The following GAPVD1 variants were observed in gnomAD, a reference collection of about 807,000 sequenced individuals.
The protein encoded by GAPVD1 is GTPase-activating protein and VPS9 domain-containing protein 1.
GAPVD1 carries 35 observed loss-of-function variants against 155.5 expected under a neutral mutation model. The observed-to-expected ratio is 0.23, with a 90% CI of 0.17 to 0.30. The LOEUF is 0.30. Ranked by LOEUF, GAPVD1 falls within the 10% of genes least tolerant of loss-of-function variation. The probability of loss-of-function intolerance (pLI) is 1.00; values close to 1 mark genes in which losing one functional copy is unlikely to be tolerated. For missense variants in GAPVD1, 1,429 were observed against 1,775.7 expected (o/e 0.80, Z 3.51); for synonymous variants, 636 against 619.7 (o/e 1.03, Z -0.39).
Position 125,346,942 on chromosome 9 carries a change from G to C in GAPVD1, c.3169+1G>C, listed in dbSNP as rs1396523091. 6.2e-7 allele frequency: 1 copy of C among 1,612,418 alleles called. No individual in the cohort carries two copies. The highest frequency in any genetic ancestry group is 1.3e-5 in the African/African-American group (1 of 74,998). On this transcript the variant is annotated splice_donor_variant, in intron 20 of 27. Transcript: ENST00000297933. LOFTEE classifies it high-confidence loss of function. ...GCAATGGCAAACTATGAAAGTACAGGTGATAATCATGACAGAGATTTGAGT... is the reference window on the plus strand; with the variant it reads ...GCAATGGCAAACTATGAAAGTACAGCTGATAATCATGACAGAGATTTGAGT...
intron 21 of GAPVD1, among the ~76,000 whole-genome samples, chr9:125,349,785 G>GC (rs1323653454): frequency 6.6e-6 from 1 of 151,854 alleles, no homozygotes. Flanking sequence ...GATCGCTGGA[G>GC]CCCAGGAGTT....
chr9:125,353,428 T>C (rs1390173426), intron 23 of GAPVD1, among the ~76,000 whole-genome samples: 1 of 152,196 alleles, frequency 6.6e-6, no homozygotes, highest in Non-Finnish European at 1.5e-5. Flanking sequence ...CCTGTCTTCT[T>C]CTGAGCCCTC....
chr9:125,303,030 TTGTC>T (rs539751553), intron 5 of GAPVD1, among the ~76,000 whole-genome samples: 103 of 152,234 alleles, frequency 6.8e-4, no homozygotes, highest in Middle Eastern at 3.4e-3. Context: ...CATTTTGTCT[TTGTC>T]TGTTTTTTGA....
Position 125,323,169 on chromosome 9 carries a change from C to T in GAPVD1, c.1733-629C>T, listed in dbSNP as rs186329796. On this transcript the variant is annotated intron_variant, in intron 10 of 27. Transcript: ENST00000297933. ...TTGCCCAGGCTGGAGTGCAATGATGCGATCTCAGCTCACTGCAACCTTTGC... is the reference window on the plus strand; with the variant it reads ...TTGCCCAGGCTGGAGTGCAATGATGTGATCTCAGCTCACTGCAACCTTTGC... Among the ~76,000 whole-genome samples the T allele has an allele frequency of 7.2e-3, 1,095 of 151,714 alleles. 12 individuals carry two copies. The highest frequency in any genetic ancestry group is 0.025 in the African/African-American group (1,032 of 41,352).
rs746717373 is a variant in GAPVD1, at chr9:125,360,739, TACTATCAGTTAA to T, written c.4242+15_4242+26del. On this transcript the variant is annotated intron_variant, in intron 27 of 27. Transcript: ENST00000297933. ...GTGTTGATAAAGGTGGGCCCCTTAC[TACTATCAGTTAA>T]GGAGTTATGTGGCATTCTGAGCAGG... The T allele has an allele frequency of 6.3e-7, 1 of 1,596,134 alleles. No individual in the cohort carries two copies. Among genetic ancestry groups the T allele is most frequent in the Non-Finnish European group, 8.6e-7 (1 of 1,164,438 alleles).
intron 6 of GAPVD1, among the ~76,000 whole-genome samples, chr9:125,306,166 CAG>C (rs1271522129): frequency 4.0e-5 from 6 of 151,326 alleles, no homozygotes; most frequent in East Asian, 2.0e-4. Context: ...TTTTTTGAGA[CAG>C]AGTTTCCTTC....
chr9:125,353,837 T>G (rs1849653173), intron 23 of GAPVD1, among the ~76,000 whole-genome samples: 1 of 152,146 alleles, frequency 6.6e-6, no homozygotes, highest in South Asian at 2.1e-4. Context: ...AGATGAGATG[T>G]GGGTGGGGAA....
chr9:125,353,657 C>T (rs1015415884), intron 23 of GAPVD1, among the ~76,000 whole-genome samples: 11 of 152,084 alleles, frequency 7.2e-5, no homozygotes, highest in Admixed American at 6.6e-5. Flanking sequence ...AAAATTATGG[C>T]GGAAAGTGAA....
chr9:125,349,518 A>G lies in GAPVD1; in HGVS notation c.3298A>G (p.Arg1100Gly). 1 of 1,613,644 alleles carries G rather than the reference A, an allele frequency of 6.2e-7. No individual in the cohort carries two copies. The highest frequency in any genetic ancestry group is 1.3e-5 in the African/African-American group (1 of 74,992). Reference protein sequence around the residue: ...AHPQDSAFSYRDAKKKLRLAL... With the variant: ...AHPQDSAFSYGDAKKKLRLAL... ...CCCGCAGGATTCAGCTTTCTCTTAC[A>G]GGTATTTCTTTTATAGGATTTGGGA... Residue 1100 changes from arginine (R) to glycine (G), a missense_variant and splice_region_variant, in exon 21 of 28, where the codon AGA becomes GGA. By Grantham distance (125) the Arg-to-Gly change is moderately radical. Transcript: ENST00000297933.
intron 27 of GAPVD1, among the ~76,000 whole-genome samples, chr9:125,361,757 A>C (rs1826884359): frequency 6.6e-6 from 1 of 152,154 alleles, no homozygotes; most frequent in South Asian, 2.1e-4. Context: ...TGTTGACTTT[A>C]AAATTAAAGT....
At chr9:125,330,479 G>A (rs932228005) in intron 13 of GAPVD1, among the ~76,000 whole-genome samples, 1 of 151,752 alleles carries the variant, frequency 6.6e-6, no homozygotes, top group Non-Finnish European at 1.5e-5. Context: ...CCACCATGCC[G>A]GGTAATTTTT....
intron 15 of GAPVD1, among the ~76,000 whole-genome samples, chr9:125,336,065 A>G (rs1421002478): frequency 6.6e-6 from 1 of 151,328 alleles, no homozygotes; most frequent in Non-Finnish European, 1.5e-5. Context: ...GGATCACTCG[A>G]GCCCAAGAGA....
intron 17 of GAPVD1, among the ~76,000 whole-genome samples, chr9:125,339,848 T>C (rs1847582542): frequency 6.6e-6 from 1 of 152,190 alleles, no homozygotes; most frequent in Non-Finnish European, 1.5e-5. Flanking sequence ...CAATTTCTCA[T>C]CCCCACTGTT....
chr9:125,329,210 TAGCTGTATTTGCGCAATA>T (rs1226977479), intron 12 of GAPVD1, among the ~76,000 whole-genome samples: 1 of 152,246 alleles, frequency 6.6e-6, no homozygotes, highest in African/African-American at 2.4e-5. Context: ...TCTTGGCAGT[TAGCTGTATTTGCGCAATA>T]AGCTGTATTT....
intron 1 of GAPVD1, among the ~76,000 whole-genome samples, chr9:125,263,066 A>G (rs1212826249): frequency 1.3e-5 from 2 of 152,242 alleles, no homozygotes; most frequent in East Asian, 3.8e-4. Flanking sequence ...TGTTTTGCTA[A>G]TATTTCCATA....
At position 125,338,929 on chromosome 9, in the gene GAPVD1, T is replaced by G. The variant is rs557530281; in HGVS notation, c.2877+1338T>G. 2.5e-3 allele frequency among the ~76,000 whole-genome samples: 367 copies of G among 146,716 alleles called. 2 individuals are homozygous for G. Among genetic ancestry groups the G allele is most frequent in the African/African-American group, 8.8e-3 (348 of 39,674 alleles). ...ATGGTTTTCTGTCTTTTAAAAAAAT[T>G]TGTGTGTGTGTGTGTGTGTGTGTGT... On this transcript the variant is annotated intron_variant, in intron 17 of 27. Transcript: ENST00000297933.
At chr9:125,263,439 C>T in intron 1 of GAPVD1, 2 of 534,876 alleles carry the variant, frequency 3.7e-6, no homozygotes, top group Admixed American at 5.4e-5. Context: ...CAGAGCGAGA[C>T]TCCGTCTCAA....
intron 9 of GAPVD1, among the ~76,000 whole-genome samples, chr9:125,315,266 A>G (rs1286124522): frequency 6.6e-6 from 1 of 152,222 alleles, no homozygotes; most frequent in Admixed American, 6.5e-5. Flanking sequence ...TCCTCCACAC[A>G]CACACACAAA....
intron 17 of GAPVD1, among the ~76,000 whole-genome samples, chr9:125,338,007 G>A (rs1330257195): frequency 6.6e-6 from 1 of 152,010 alleles, no homozygotes; most frequent in African/African-American, 2.4e-5. Flanking sequence ...TCCTGAGTAG[G>A]TGGGACTACA....
Sources: allele counts gnomAD v4.1 joint callset (sites outside exome capture counted in the v4.1 genomes callset), GRCh38; gene constraint gnomAD v4.1.1; transcripts MANE v1.5; gene names NCBI Gene and HGNC (gene_info 2026-07-23, HGNC 2026-07-21).